The following PDE4B variants were observed in gnomAD, a reference collection of about 807,000 sequenced individuals.
PDE4B encodes the protein phosphodiesterase 4B.
In PDE4B, 20 loss-of-function variants were observed where a neutral mutation model predicts 82.2. That is an observed-to-expected ratio of 0.24 (90% CI 0.17 to 0.35). PDE4B has a LOEUF of 0.35. PDE4B is among the 10% of genes least tolerant of loss of function. PDE4B has a pLI of 1.00. For missense variants in PDE4B, 655 were observed against 907.2 expected, an observed-to-expected ratio of 0.72 and a Z score of 3.57; for synonymous variants, 320 against 318.9, an observed-to-expected ratio of 1.00 and a Z score of -0.04.
intron 1 of PDE4B, among the ~76,000 whole-genome samples, chr1:65,877,222 G>C (rs1254334195): frequency 6.6e-6 from 1 of 152,168 alleles, no homozygotes; most frequent in Admixed American, 6.6e-5. Flanking sequence ...CAATGGGACA[G>C]AACAGAGGAC....
chr1:66,306,207 A>C (rs1272416418), intron 7 of PDE4B, among the ~76,000 whole-genome samples: 1 of 152,188 alleles, frequency 6.6e-6, no homozygotes, highest in Admixed American at 6.6e-5. Context: ...GGGTTTTCAC[A>C]AACCCTGTAC....
At chr1:66,164,991 G>T (rs911902232) in intron 3 of PDE4B, among the ~76,000 whole-genome samples, 1 of 151,996 alleles carries the variant, frequency 6.6e-6, no homozygotes, top group African/African-American at 2.4e-5. Flanking sequence ...TCGATCTCCT[G>T]ACCTTGAGAT....
At chr1:66,297,012 T>G (rs1312432983) in intron 7 of PDE4B, among the ~76,000 whole-genome samples, 1 of 152,192 alleles carries the variant, frequency 6.6e-6, no homozygotes, top group Non-Finnish European at 1.5e-5. Flanking sequence ...GCTGTTTGAT[T>G]CTGTGGAAGT....
At chr1:66,081,830 C>CTGTG (rs1482156616) in intron 3 of PDE4B, among the ~76,000 whole-genome samples, 27 of 112,714 alleles carry the variant, frequency 2.4e-4, no homozygotes, top group African/African-American at 6.4e-4. Flanking sequence ...CTCTCTCTCT[C>CTGTG]TCTGTGTGTG....
intron 3 of PDE4B, among the ~76,000 whole-genome samples, chr1:66,066,744 T>G (rs1655869625): frequency 6.6e-6 from 1 of 151,940 alleles, no homozygotes. Context: ...CCTGAAGGCA[T>G]AGCACATGAA....
chr1:66,289,764 G>C (rs1302770571), intron 7 of PDE4B, among the ~76,000 whole-genome samples: 1 of 151,932 alleles, frequency 6.6e-6, no homozygotes, highest in Non-Finnish European at 1.5e-5. Context: ...TAATAAATTG[G>C]ATTGGAAAGA....
At chr1:66,043,608 C>G (rs1654515535) in intron 3 of PDE4B, among the ~76,000 whole-genome samples, 1 of 151,648 alleles carries the variant, frequency 6.6e-6, no homozygotes, top group South Asian at 2.1e-4. Flanking sequence ...TTTTATTTTT[C>G]CTAAAAATCT....
At chr1:66,188,601 G>T (rs1477131827) in intron 3 of PDE4B, among the ~76,000 whole-genome samples, 3 of 151,226 alleles carry the variant, frequency 2.0e-5, no homozygotes, top group Non-Finnish European at 4.4e-5. Context: ...GGCCTTCTTT[G>T]TCTCTTTTGA....
At chr1:65,861,682 G>A (rs1018407441) in intron 1 of PDE4B, among the ~76,000 whole-genome samples, 1 of 152,090 alleles carries the variant, frequency 6.6e-6, no homozygotes, top group Non-Finnish European at 1.5e-5. Flanking sequence ...ATCCATGAGA[G>A]TGGAATATTT....
intron 1 of PDE4B, among the ~76,000 whole-genome samples, chr1:65,849,458 T>A (rs1436521200): frequency 2.6e-5 from 4 of 152,128 alleles, no homozygotes; most frequent in African/African-American, 9.7e-5. Flanking sequence ...TTGGGAAGCA[T>A]CCTGAGGAGG....
chr1:65,845,231 G>T lies in PDE4B; in HGVS notation c.-71+51983G>T, dbSNP rs564045573. 1.4e-4 allele frequency among the ~76,000 whole-genome samples: 21 copies of T among 152,272 alleles called. No individual in the cohort carries two copies. The South Asian group carries it at 3.3e-3, about 24-fold the overall frequency. ...ACAACATGCAGTACTTCTCTCCACA[G>T]TTATAAATAATTGTAAATAATTTGT... On this transcript the variant is annotated intron_variant, in intron 1 of 16. Coordinates refer to ENST00000341517, the MANE Select transcript of PDE4B (RefSeq NM_002600.4).
intron 3 of PDE4B, among the ~76,000 whole-genome samples, chr1:65,939,886 C>G (rs1450050961): frequency 1.3e-5 from 2 of 152,012 alleles, no homozygotes; most frequent in African/African-American, 4.8e-5. Flanking sequence ...AATATCTCAT[C>G]CTATGTCTCA....
chr1:66,152,118 T>C (rs1646406569), intron 3 of PDE4B, among the ~76,000 whole-genome samples: 1 of 152,210 alleles, frequency 6.6e-6, no homozygotes, highest in Non-Finnish European at 1.5e-5. Context: ...AAAACAATTC[T>C]GTTATGTTTT....
intron 3 of PDE4B, among the ~76,000 whole-genome samples, chr1:66,090,387 C>A (rs1311785394): frequency 1.3e-5 from 2 of 151,542 alleles, no homozygotes; most frequent in Non-Finnish European, 2.9e-5. Context: ...CCATCAAGGG[C>A]AGGACAGGTC....
chr1:66,264,922 C>T (rs1314301618), intron 6 of PDE4B, among the ~76,000 whole-genome samples: 1 of 152,216 alleles, frequency 6.6e-6, no homozygotes, highest in African/African-American at 2.4e-5. Context: ...GAAATAGACT[C>T]TTCAGGGTTG....
chr1:65,890,066 A>G (rs1375380896), intron 1 of PDE4B, among the ~76,000 whole-genome samples: 3 of 152,122 alleles, frequency 2.0e-5, no homozygotes, highest in Non-Finnish European at 4.4e-5. Context: ...TGAGATGAGA[A>G]ATTTAGAACT....
chr1:66,283,832 C>T (rs1253959109), intron 7 of PDE4B, among the ~76,000 whole-genome samples: 1 of 152,050 alleles, frequency 6.6e-6, no homozygotes, highest in East Asian at 1.9e-4. Flanking sequence ...CAAGAGAGTA[C>T]TGCTTACTTT....
intron 3 of PDE4B, among the ~76,000 whole-genome samples, chr1:66,017,183 G>A (rs1171027073): frequency 2.0e-5 from 3 of 152,160 alleles, no homozygotes; most frequent in Admixed American, 6.5e-5. Context: ...ACATTTGAGA[G>A]CAGAGAATTT....
intron 3 of PDE4B, among the ~76,000 whole-genome samples, chr1:66,196,002 C>T (rs1269621476): frequency 6.6e-6 from 1 of 151,984 alleles, no homozygotes; most frequent in Non-Finnish European, 1.5e-5. Context: ...GTATACGAGA[C>T]CCCTGCAAGA....
Sources: gnomAD v4.1 joint callset for allele counts (sites outside exome capture counted in the v4.1 genomes callset) on GRCh38, gnomAD v4.1.1 for gene constraint, MANE v1.5 for transcripts, NCBI Gene and HGNC (gene_info 2026-07-23, HGNC 2026-07-21) for gene names.